The following ISM1 variants were observed in gnomAD, a reference collection of about 807,000 sequenced individuals.
ISM1 encodes the protein isthmin 1, also known as isthmin-1.
In ISM1, 25 loss-of-function variants were observed where a neutral mutation model predicts 46.3. The observed-to-expected ratio is 0.54, with a 90% confidence interval of 0.39 to 0.75. ISM1 has a LOEUF of 0.75. Ranked by LOEUF, ISM1 falls within the 30% of genes least tolerant of loss-of-function variation. The probability of loss-of-function intolerance (pLI) is 0.00; values close to 1 mark genes in which losing one functional copy is unlikely to be tolerated. For missense variants in ISM1, 536 were observed against 625.4 expected (o/e 0.86, Z 1.52); for synonymous variants, 255 against 256.7 (o/e 0.99, Z 0.06).
intron 1 of ISM1, among the ~76,000 whole-genome samples, chr20:13,246,651 T>C (rs1298085909): frequency 1.3e-5 from 2 of 152,250 alleles, no homozygotes; most frequent in African/African-American, 2.4e-5. Context: ...AAAGTTTACC[T>C]ACTTGCCTGA....
the ISM1 span, among the ~76,000 whole-genome samples, chr20:13,316,702 G>A: frequency 1.3e-5 from 2 of 151,328 alleles, no homozygotes; most frequent in African/African-American, 4.9e-5. Flanking sequence ...AGAAACAGAT[G>A]CAGAAAAATC....
chr20:13,258,478 C>G (rs2039951941), intron 1 of ISM1, among the ~76,000 whole-genome samples: 1 of 152,096 alleles, frequency 6.6e-6, no homozygotes, highest in African/African-American at 2.4e-5. Flanking sequence ...CCTTAGTTAC[C>G]CACTTGGAGG....
At chr20:13,224,841 C>CTTTTTT (rs1162270732) in intron 1 of ISM1, among the ~76,000 whole-genome samples, 9 of 107,246 alleles carry the variant, frequency 8.4e-5, no homozygotes, top group Non-Finnish European at 1.5e-4. Context: ...AGCTTTCTTT[C>CTTTTTT]TTTTTTTTTT....
intron 2 of ISM1, among the ~76,000 whole-genome samples, chr20:13,275,957 G>A (rs557457602): frequency 1.1e-4 from 17 of 152,322 alleles, no homozygotes; most frequent in African/African-American, 3.1e-4. Context: ...CTAGATTGGC[G>A]TGCTGCAAGT....
chr20:13,272,372 T>C (rs2040125527), intron 2 of ISM1, among the ~76,000 whole-genome samples: 1 of 152,162 alleles, frequency 6.6e-6, no homozygotes, highest in Non-Finnish European at 1.5e-5. Context: ...CCGCTGTATA[T>C]AAAATGCTGC....
intron 1 of ISM1, among the ~76,000 whole-genome samples, chr20:13,241,396 G>A (rs559353923): frequency 3.3e-5 from 5 of 152,320 alleles, no homozygotes; most frequent in South Asian, 4.1e-4. Context: ...TGATGAGAAC[G>A]ATCCAATAGA....
intron 1 of ISM1, among the ~76,000 whole-genome samples, chr20:13,269,637 G>T (rs2040087502): frequency 6.6e-6 from 1 of 152,050 alleles, no homozygotes; most frequent in South Asian, 2.1e-4. Flanking sequence ...TTATGGCAGG[G>T]TGCCACCTTC....
chr20:13,263,462 G>A (rs2040010261), intron 1 of ISM1, among the ~76,000 whole-genome samples: 1 of 152,074 alleles, frequency 6.6e-6, no homozygotes, highest in Non-Finnish European at 1.5e-5. Context: ...CATTCTCCTG[G>A]TTTTCTCATC....
intron 1 of ISM1, among the ~76,000 whole-genome samples, chr20:13,234,581 A>G (rs1333073228): frequency 6.6e-6 from 1 of 152,204 alleles, no homozygotes; most frequent in Non-Finnish European, 1.5e-5. Flanking sequence ...ACAGTGTATA[A>G]GTGTGCCCTT....
At chr20:13,277,638 C>A (rs796512241) in intron 2 of ISM1, among the ~76,000 whole-genome samples, 6 of 136,172 alleles carry the variant, frequency 4.4e-5, no homozygotes, top group African/African-American at 1.9e-4. Flanking sequence ...TTCTTCCCCC[C>A]TACCCTTTTT....
rs1173698090 is a variant in ISM1, at chr20:13,299,607, G to A, written c.*148G>A. 5.2e-5 allele frequency: 41 copies of A among 794,338 alleles called. No individual in the cohort carries two copies. Among genetic ancestry groups the A allele is most frequent in the African/African-American group, 8.6e-5 (5 of 58,014 alleles). 49.2% of individuals were successfully genotyped at this position (794,338 alleles called of 1,614,324 possible). A position where few individuals can be genotyped will look rare whatever the true frequency, so the allele number is the denominator to read the frequency against. On this transcript the variant is annotated 3_prime_UTR_variant, in exon 6 of 6. Coordinates refer to ENST00000262487, the MANE Select transcript of ISM1 (RefSeq NM_080826.2). This position sits in a 1 kb window ranked among gnomAD's most constrained non-coding sequence, Gnocchi z 5.8. ...GAGTATTTCTCATACATTACGCTAG[G>A]GGCGTGTGCCACGCCCAGGGGACTG...
chr20:13,274,073 G>GTGTT (rs2040146788), intron 2 of ISM1, among the ~76,000 whole-genome samples: 1 of 151,660 alleles, frequency 6.6e-6, no homozygotes, highest in Non-Finnish European at 1.5e-5. Flanking sequence ...GTGTGTGTGT[G>GTGTT]TGTGTATGTG....
At chr20:13,245,385 G>A (rs1600499883) in intron 1 of ISM1, 2 of 152,206 alleles carry the variant, frequency 1.3e-5, no homozygotes, top group South Asian at 2.1e-4. Flanking sequence ...CAGAAAAAGA[G>A]TATGAGCAAG....
chr20:13,221,749 G>A lies in ISM1; in HGVS notation c.-28G>A. The A allele has an allele frequency of 2.2e-6, 3 of 1,373,252 alleles. No homozygotes were observed. Among genetic ancestry groups the A allele is most frequent in the Non-Finnish European group, 2.8e-6 (3 of 1,066,562 alleles). The allele number at this position is 1,373,252 out of a possible 1,614,324, so 85.1% of individuals were successfully genotyped here. ...CGCCGCCGCCGCCGGCCGCCGCGCC[G>A]GGTCCTAAAGCCGCGCGTCTCAAAA... On this transcript the variant is annotated 5_prime_UTR_variant, in exon 1 of 6. Coordinates refer to ENST00000262487, the MANE Select transcript of ISM1 (RefSeq NM_080826.2).
At chr20:13,310,966 A>G in the ISM1 span, among the ~76,000 whole-genome samples, 1 of 152,128 alleles carries the variant, frequency 6.6e-6, no homozygotes, top group Non-Finnish European at 1.5e-5. Context: ...GGCTGAGGCG[A>G]GTGGATCACC....
rs377574324 is a variant in ISM1 at position 13,265,399 on chromosome 20, GA to G, written c.139-5104del. Among the ~76,000 whole-genome samples the G allele has an allele frequency of 3.3e-4, 50 of 152,264 alleles. 1 individual carries two copies. The East Asian group carries it at 7.9e-3, about 24-fold the overall frequency. ...GGTTTTCTGGATTTCTCTCCTTCAT[GA>G]GTATCCTTATGGATTTTGATAGATT... On this transcript the variant is annotated intron_variant, in intron 1 of 5. Transcript: ENST00000262487.
chr20:13,298,940 A>G lies in ISM1; in HGVS notation c.878-2A>G. Reference sequence around the variant, plus strand: ...AGAGGGTTTCTCTTTGGCCTTTTCCAGACACAGACAGCTGTGAGCGCTGGA... The same window carrying G: ...AGAGGGTTTCTCTTTGGCCTTTTCCGGACACAGACAGCTGTGAGCGCTGGA... On this transcript the variant is annotated splice_acceptor_variant, in intron 5 of 5. Coordinates refer to ENST00000262487, the MANE Select transcript of ISM1 (RefSeq NM_080826.2). LOFTEE classifies it high-confidence loss of function. 1 of 1,612,416 alleles carries G rather than the reference A, an allele frequency of 6.2e-7. No homozygotes were observed. Among genetic ancestry groups the G allele is most frequent in the Non-Finnish European group, 8.5e-7 (1 of 1,179,002 alleles).
At chr20:13,244,955 A>G (rs1307295170) in intron 1 of ISM1, among the ~76,000 whole-genome samples, 2 of 152,220 alleles carry the variant, frequency 1.3e-5, no homozygotes, top group African/African-American at 4.8e-5. Context: ...AAACAATGAA[A>G]GAAAGGAGTG....
chr20:13,238,974 A>G (rs569086077), intron 1 of ISM1: 1 of 152,380 alleles, frequency 6.6e-6, no homozygotes, highest in East Asian at 1.9e-4. Context: ...ACATTCAGGA[A>G]GACACGAACC....
Sources: gnomAD v4.1 joint callset for allele counts (sites outside exome capture counted in the v4.1 genomes callset) on GRCh38, gnomAD v4.1.1 for gene constraint, Gnocchi (gnomAD v3.1) non-coding constraint, MANE v1.5 for transcripts, NCBI Gene and HGNC (gene_info 2026-07-23, HGNC 2026-07-21) for gene names.